SFPQ: variants seen among roughly 807,000 people sequenced by gnomAD.
The protein encoded by SFPQ is splicing factor, proline- and glutamine-rich.
A neutral mutation model predicts 72.9 loss-of-function variants in SFPQ; 11 were observed. The ratio of observed to expected loss-of-function variants is 0.15; its 90% CI spans 0.09 to 0.25. The LOEUF is 0.25. SFPQ is among the 10% of genes least tolerant of loss of function. SFPQ has a pLI of 1.00. For missense variants in SFPQ, 847 were observed against 993.3 expected, an observed-to-expected ratio of 0.85 and a Z score of 1.98; for synonymous variants, 506 against 367.3, an observed-to-expected ratio of 1.38 and a Z score of -4.32.
At chr1:35,191,193 C>A in intron 2 of SFPQ, 148 bp downstream of exon 2, 1 of 818,106 alleles carries the variant, frequency 1.2e-6, no homozygotes. Context: ...ATGCATTATA[C>A]CGCAAGCATT....
chr1:35,185,840 T>C (rs924488019), intron 9 of SFPQ, among the ~76,000 whole-genome samples: 1 of 152,200 alleles, frequency 6.6e-6, no homozygotes, highest in African/African-American at 2.4e-5. Flanking sequence ...CTTTCATAAT[T>C]ATGTTAATTA....
chr1:35,190,260 G>A (rs1420348480), intron 4 of SFPQ, among the ~76,000 whole-genome samples: 4 of 152,216 alleles, frequency 2.6e-5, no homozygotes, highest in Admixed American at 6.5e-5. Context: ...AGTCACACAC[G>A]TGACTTTATG....
intron 7 of SFPQ, among the ~76,000 whole-genome samples, chr1:35,187,715 G>A (rs1570127165): frequency 1.3e-5 from 2 of 150,932 alleles, no homozygotes; most frequent in East Asian, 1.9e-4. Context: ...TGGGTGACAA[G>A]AGCAAAACTC....
At chr1:35,190,440 A>G (rs901999831) in intron 4 of SFPQ, 58 bp downstream of exon 4, 1 of 1,237,774 alleles carries the variant, frequency 8.1e-7, no homozygotes, top group East Asian at 2.4e-5. Flanking sequence ...AATCACTAAA[A>G]TAAATTTAAC....
Position 35,187,183 on chromosome 1 carries a change from A to T in SFPQ, c.1864+20T>A, listed in dbSNP as rs1570125668. 1.2e-6 allele frequency: 2 copies of T among 1,614,020 alleles called. No individual in the cohort carries two copies. The highest frequency in any genetic ancestry group is 2.2e-5 in the East Asian group (1 of 44,872). On this transcript the variant is annotated intron_variant, in intron 8 of 9. Transcript: ENST00000357214. Reference sequence around the variant, plus strand: ...GATACTACTCTCTACTTATATCATTAATTTAAATTTCACACTTACCTCCCA... The same window carrying T: ...GATACTACTCTCTACTTATATCATTTATTTAAATTTCACACTTACCTCCCA...
chr1:35,180,683 C>T (rs1639429972), downstream of SFPQ: 1 of 1,055,500 alleles, frequency 9.5e-7, no homozygotes, highest in Admixed American at 5.4e-5. Context: ...GTAGAATTAC[C>T]AAGATTGCAT....
chr1:35,185,306 T>C (rs1165581695), intron 9 of SFPQ, among the ~76,000 whole-genome samples: 1 of 152,202 alleles, frequency 6.6e-6, no homozygotes, highest in Non-Finnish European at 1.5e-5. Context: ...CTCAGTACTA[T>C]TCTATATTGT....
rs1640076614 is a variant in SFPQ, at chr1:35,192,533, C to T, written c.517G>A (p.Gly173Arg). Residue 173 changes from glycine to arginine, a missense_variant, in exon 1 of 10, where the codon GGG (glycine) becomes AGG (arginine). Physicochemically the swap from Gly to Arg is moderately radical, Grantham distance 125. Coordinates refer to ENST00000357214, the MANE Select transcript of SFPQ (RefSeq NM_005066.3). ...GCCTGAGGAGGTGTGGTAGGGACCCCGCTGCTTGGCGGGGTGGGTGGCGGC... is the reference window on the plus strand; with the variant it reads ...GCCTGAGGAGGTGTGGTAGGGACCCTGCTGCTTGGCGGGGTGGGTGGCGGC... ...GAPPPTPPSS[G>R]VPTTPPQAGG... 2 of 1,328,244 alleles carry T rather than the reference C, an allele frequency of 1.5e-6. No homozygotes were observed. Among genetic ancestry groups the T allele is most frequent in the Admixed American group, 4.2e-5 (1 of 24,092 alleles). The allele number at this position is 1,328,244 out of a possible 1,614,324, so 82.3% of individuals were successfully genotyped here.
intron 9 of SFPQ, among the ~76,000 whole-genome samples, chr1:35,185,438 C>T (rs553637971): frequency 2.0e-5 from 3 of 152,298 alleles, no homozygotes; most frequent in African/African-American, 4.8e-5. Flanking sequence ...CAGTGAAACA[C>T]GAAGCTAAAG....
At position 35,183,756 on chromosome 1, in the gene SFPQ, G is replaced by A. The variant is rs1639580650; in HGVS notation, c.*700C>T. 2 of 1,051,608 alleles carry A rather than the reference G, an allele frequency of 1.9e-6. No individual in the cohort carries two copies. Among genetic ancestry groups the A allele is most frequent in the African/African-American group, 1.7e-5 (1 of 60,252 alleles). The allele number at this position is 1,051,608 out of a possible 1,614,324, so 65.1% of individuals were successfully genotyped here. ...TTTCAAGTAAAGGATAGATCATAGGGCCATAAAAGATCCATTTAATCAAAC... is the reference window on the plus strand; with the variant it reads ...TTTCAAGTAAAGGATAGATCATAGGACCATAAAAGATCCATTTAATCAAAC... On this transcript the variant is annotated 3_prime_UTR_variant, in exon 10 of 10. Transcript: ENST00000357214.
At chr1:35,188,553 G>A (rs943823835) in intron 6 of SFPQ, among the ~76,000 whole-genome samples, 3 of 152,170 alleles carry the variant, frequency 2.0e-5, no homozygotes, top group Non-Finnish European at 2.9e-5. Flanking sequence ...GTGGTGGCCT[G>A]TGCCTCTAGT....
At chr1:35,191,196 C>A (rs1254740648) in intron 2 of SFPQ, 145 bp downstream of exon 2, 1 of 837,420 alleles carries the variant, frequency 1.2e-6, no homozygotes, top group Admixed American at 2.8e-5. Context: ...CATTATACCG[C>A]AAGCATTTTT....
chr1:35,184,541 G>T lies in SFPQ; in HGVS notation c.2039C>A (p.Pro680His). ...TGGAGTTCCAGGCCCCATTCCTCTAGGACCCTGTCCACCCACAGGCCCCGC... is the reference window on the plus strand; with the variant it reads ...TGGAGTTCCAGGCCCCATTCCTCTATGACCCTGTCCACCCACAGGCCCCGC... ...GGAGPVGGQG[P>H]RGMGPGTPAG... Residue 680 changes from proline to histidine, a missense_variant, in exon 10 of 10, where the codon CCT (proline) becomes CAT (histidine). By Grantham distance (77) the Pro-to-His change is moderately conservative. Coordinates refer to ENST00000357214, the MANE Select transcript of SFPQ (RefSeq NM_005066.3). 1.2e-6 allele frequency: 2 copies of T among 1,612,808 alleles called. No homozygotes were observed. The highest frequency in any genetic ancestry group is 1.7e-6 in the Non-Finnish European group (2 of 1,179,504).
chr1:35,182,394 T>A (rs1029914085), downstream of SFPQ: 3 of 985,296 alleles, frequency 3.0e-6, no homozygotes, highest in African/African-American at 5.2e-5. Flanking sequence ...AAACTACTCA[T>A]ATTTCCGAGT....
Position 35,192,328 on chromosome 1 carries a change from G to C in SFPQ, c.722C>G (p.Pro241Arg). 4 of 1,415,074 alleles carry C rather than the reference G, an allele frequency of 2.8e-6. No homozygotes were observed. Among genetic ancestry groups the C allele is most frequent in the Non-Finnish European group, 3.6e-6 (4 of 1,097,696 alleles). The allele number at this position is 1,415,074 out of a possible 1,614,324, so 87.7% of individuals were successfully genotyped here. Residue 241 changes from proline to arginine, a missense_variant, in exon 1 of 10, where the codon CCC becomes CGC. Pro to Arg is a moderately radical substitution (Grantham distance 103). Transcript: ENST00000357214. ...CGGGTGGTGCTGGCGGCCCCCGCGGGGCTCCCCGCCGCCTCGATGCGGCGG... is the reference window on the plus strand; with the variant it reads ...CGGGTGGTGCTGGCGGCCCCCGCGGCGCTCCCCGCCGCCTCGATGCGGCGG... ...PKPPHRGGGE[P>R]RGGRQHHPPY...
chr1:35,191,663 T>A (rs1640003516), intron 1 of SFPQ, 134 bp from the exon 2 acceptor site: 1 of 659,220 alleles, frequency 1.5e-6, no homozygotes, highest in Non-Finnish European at 2.6e-6. Context: ...TTTTACTATG[T>A]GAGATTTCTA....
At chr1:35,189,125 G>A (rs776452311) in intron 5 of SFPQ, 38 bp from the exon 6 acceptor site, 1 of 1,613,182 alleles carries the variant, frequency 6.2e-7, no homozygotes, top group Non-Finnish European at 8.5e-7. Flanking sequence ...CATTAACAAG[G>A]TTCTAATAAG....
downstream of SFPQ, chr1:35,181,608 T>C: frequency 9.4e-7 from 1 of 1,060,182 alleles, no homozygotes; most frequent in East Asian, 5.2e-5. Context: ...ATATGCAGTT[T>C]TTAAAGATTA....
chr1:35,192,933 G>A lies in SFPQ; in HGVS notation c.117C>T (p.Gly39=). The A allele has an allele frequency of 6.3e-7, 1 of 1,587,718 alleles. No individual in the cohort carries two copies. Among genetic ancestry groups the A allele is most frequent in the Non-Finnish European group, 8.5e-7 (1 of 1,174,986 alleles). ...CCATGGGGCCGCGATTCTGATTGAG[G>A]CCCATGCCGGGCGGCGGAGAACGGA... is the stretch of plus-strand genomic sequence containing the variant. The part of the protein sequence containing the change: ...HDFRSPPPGM[G]LNQNRGPMGP... The change falls in exon 1 of 10, where the codon GGC becomes GGT. Residue 39 remains glycine (G), a synonymous_variant. Coordinates refer to ENST00000357214, the MANE Select transcript of SFPQ (RefSeq NM_005066.3).
Sources: gnomAD v4.1 joint callset for allele counts (sites outside exome capture counted in the v4.1 genomes callset) on GRCh38, gnomAD v4.1.1 for gene constraint, MANE v1.5 for transcripts, NCBI Gene and HGNC (gene_info 2026-07-23, HGNC 2026-07-21) for gene names.